GLOD4: variants seen among roughly 807,000 people sequenced by gnomAD.
GLOD4 encodes the protein glyoxalase domain-containing protein 4.
GLOD4 carries 44 observed loss-of-function variants against 39.1 expected under a neutral mutation model. That is an observed-to-expected ratio of 1.13 (90% CI 0.88 to 1.45). The LOEUF (loss-of-function observed/expected upper bound fraction) is 1.45, where lower values mean the gene tolerates loss of function less well. Among genes scored for constraint, GLOD4 ranks in the 40% most tolerant of loss-of-function variants. The pLI, the probability that GLOD4 is intolerant of heterozygous loss-of-function variation, is 0.00. For missense variants in GLOD4, 405 were observed against 366.4 expected, an observed-to-expected ratio of 1.11 and a Z score of -0.86; for synonymous variants, 145 against 135.0, an observed-to-expected ratio of 1.07 and a Z score of -0.52.
At chr17:764,454 T>C (rs1266707178) in intron 8 of GLOD4, 1 of 151,972 alleles carries the variant, frequency 6.6e-6, no homozygotes, top group East Asian at 1.9e-4. Context: ...TCGATGACTG[T>C]TTGACACTTT....
rs1162203776 is a variant in GLOD4 at position 760,255 on chromosome 17, G to C, written c.832-17C>G. The C allele has an allele frequency of 7.1e-7, 1 of 1,409,750 alleles. No individual in the cohort carries two copies. The highest frequency in any genetic ancestry group is 1.4e-5 in the African/African-American group (1 of 70,988). 87.3% of individuals were successfully genotyped at this position (1,409,750 alleles called of 1,614,324 possible). On this transcript the variant is annotated splice_polypyrimidine_tract_variant and intron_variant, in intron 8 of 8. Transcript: ENST00000301329. ...TGCCATTGCCTGTAAAATAGAAATA[G>C]AATATACACTGACTCCAAGCCTGAA... is the stretch of plus-strand genomic sequence containing the variant.
At chr17:760,731 G>C (rs1018391430) in intron 8 of GLOD4, among the ~76,000 whole-genome samples, 2 of 152,062 alleles carry the variant, frequency 1.3e-5, no homozygotes, top group African/African-American at 4.8e-5. Flanking sequence ...TTCCTTTTTC[G>C]TAAGTCTCCT....
At chr17:766,075 ATGAT>A (rs1906483451) in intron 8 of GLOD4, among the ~76,000 whole-genome samples, 1 of 148,892 alleles carries the variant, frequency 6.7e-6, no homozygotes, top group Admixed American at 6.7e-5. Context: ...GATGGATCGA[ATGAT>A]TGAGCCCAGG....
chr17:784,457 T>C (rs1045199844), upstream of GLOD4, among the ~76,000 whole-genome samples: 4 of 151,994 alleles, frequency 2.6e-5, no homozygotes, highest in Admixed American at 6.5e-5. Flanking sequence ...GCTTGTCACT[T>C]GGGGCAGGTG....
At chr17:771,119 T>A (rs1246353144) in intron 5 of GLOD4, 2 of 401,276 alleles carry the variant, frequency 5.0e-6, no homozygotes, top group Non-Finnish European at 8.9e-6. Context: ...AAGAGATATA[T>A]CCCCAAATAT....
At position 775,679 on chromosome 17, in the gene GLOD4, AAC is replaced by A. The variant is rs1908783596; in HGVS notation, c.406+94_406+95del. 67 of 989,870 alleles carry A rather than the reference AAC, an allele frequency of 6.8e-5. 1 individual carries two copies. In the South Asian group the frequency reaches 9.6e-4, roughly 14 times the overall value. 61.3% of individuals were successfully genotyped at this position (989,870 alleles called of 1,614,324 possible). A position where few individuals can be genotyped will look rare whatever the true frequency, so the allele number is the denominator to read the frequency against. On this transcript the variant is annotated intron_variant, in intron 4 of 8. Transcript: ENST00000301329. ...CTGGCTGGGGAAGACACGTCACGTG[AAC>A]ACAGACTCTACAAAAAAAAGACAGG...
At chr17:781,452 TA>T (rs1909933330) in intron 1 of GLOD4, among the ~76,000 whole-genome samples, 1 of 152,192 alleles carries the variant, frequency 6.6e-6, no homozygotes, top group Non-Finnish European at 1.5e-5. Flanking sequence ...CTCAACGTAG[TA>T]CCCTGAAAAT....
chr17:782,434 T>C (rs983261214), upstream of GLOD4: 1 of 1,613,900 alleles, frequency 6.2e-7, no homozygotes, highest in Non-Finnish European at 8.5e-7. Flanking sequence ...CTGCAGGTGG[T>C]CCAGGCTTGG....
At chr17:770,770 A>T in intron 5 of GLOD4, 1 of 328,968 alleles carries the variant, frequency 3.0e-6, no homozygotes, top group East Asian at 5.1e-5. Flanking sequence ...TAATGTTACC[A>T]TGTCAATACA....
upstream of GLOD4, chr17:783,049 G>A: frequency 2.0e-6 from 3 of 1,531,260 alleles, no homozygotes; most frequent in Non-Finnish European, 2.6e-6. Context: ...GATGTTGATA[G>A]TTACCTGTTT....
intron 3 of GLOD4, 113 bp downstream of exon 3, chr17:776,755 G>C: frequency 1.2e-6 from 1 of 804,126 alleles, no homozygotes; most frequent in Non-Finnish European, 2.1e-6. Flanking sequence ...CCTCTTTTGA[G>C]TCTCTGCTCA....
At chr17:782,696 A>T, upstream of GLOD4, 1 of 1,594,320 alleles carries the variant, frequency 6.3e-7, no homozygotes, top group Admixed American at 1.7e-5. Flanking sequence ...GGCTGAGGTG[A>T]TGTGGTTCTT....
At chr17:767,943 A>C (rs1226849) in intron 8 of GLOD4, among the ~76,000 whole-genome samples, 1 of 114,914 alleles carries the variant, frequency 8.7e-6, no homozygotes, top group African/African-American at 3.4e-5. Flanking sequence ...GAGAGGACGT[A>C]AGAGAGAGAA....
At chr17:769,575 A>AGCTG (rs1361091464) in intron 8 of GLOD4, among the ~76,000 whole-genome samples, 1 of 151,626 alleles carries the variant, frequency 6.6e-6, no homozygotes, top group Non-Finnish European at 1.5e-5. Context: ...CCATGGGGAG[A>AGCTG]GCTGAGGGGG....
chr17:762,513 CT>C (rs1905668639), intron 8 of GLOD4, among the ~76,000 whole-genome samples: 2 of 142,130 alleles, frequency 1.4e-5, no homozygotes, highest in Admixed American at 1.4e-4. Flanking sequence ...AGTGCGTGAT[CT>C]TCAGGGATGA....
At chr17:768,052 GT>G (rs1181340450) in intron 8 of GLOD4, among the ~76,000 whole-genome samples, 1 of 146,086 alleles carries the variant, frequency 6.8e-6, no homozygotes, top group Non-Finnish European at 1.5e-5. Flanking sequence ...TGGAGAGGAC[GT>G]GAGAGAGAGA....
At chr17:771,918 CAGG>C (rs905959222) in intron 4 of GLOD4, among the ~76,000 whole-genome samples, 22 of 147,682 alleles carry the variant, frequency 1.5e-4, no homozygotes, top group African/African-American at 5.0e-4. Context: ...GAGGCTGAGA[CAGG>C]AGAATTGCTT....
At chr17:767,570 C>T (rs144592274) in intron 8 of GLOD4, among the ~76,000 whole-genome samples, 14 of 144,864 alleles carry the variant, frequency 9.7e-5, no homozygotes, top group African/African-American at 3.4e-4. Context: ...AGAGAAACAG[C>T]GCACACTCAG....
upstream of GLOD4, chr17:783,098 A>G: frequency 1.2e-6 from 2 of 1,613,058 alleles, no homozygotes; most frequent in South Asian, 2.2e-5. Flanking sequence ...TAATGACAAT[A>G]GTAAAGTCCA....
Sources: allele counts gnomAD v4.1 joint callset (sites outside exome capture counted in the v4.1 genomes callset), GRCh38; gene constraint gnomAD v4.1.1; transcripts MANE v1.5; gene names NCBI Gene and HGNC (gene_info 2026-07-23, HGNC 2026-07-21).